Variants in ABCA13 observed in about 807,000 individuals in gnomAD.
ABCA13 encodes ATP-binding cassette sub-family A member 13.
ABCA13 carries 476 observed loss-of-function variants against 478.7 expected under a neutral mutation model. The ratio of observed to expected loss-of-function variants is 0.99; its 90% CI spans 0.92 to 1.07. ABCA13 has a LOEUF of 1.07. ABCA13 is among the 50% of genes least tolerant of loss of function. The probability of loss-of-function intolerance (pLI) is 0.00; values close to 1 mark genes in which losing one functional copy is unlikely to be tolerated. For synonymous variants in ABCA13, 2,252 were observed against 2,158.9 expected (o/e 1.04, Z -1.20); for missense variants, 6,060 against 5,910.6 (o/e 1.03, Z -0.83).
intron 55 of ABCA13, among the ~76,000 whole-genome samples, chr7:48,546,603 A>G (rs1457689923): frequency 6.6e-6 from 1 of 151,666 alleles, no homozygotes; most frequent in Non-Finnish European, 1.5e-5. Flanking sequence ...TCAAACTAGC[A>G]TTTTTTGAGT....
chr7:48,465,153 T>C (rs1826729670), intron 43 of ABCA13, among the ~76,000 whole-genome samples: 1 of 152,186 alleles, frequency 6.6e-6, no homozygotes, highest in South Asian at 2.1e-4. Context: ...GGGATTCAAA[T>C]ACTATTTCAA....
chr7:48,588,407 TCTC>T (rs1189318089), intron 57 of ABCA13, among the ~76,000 whole-genome samples: 4 of 152,164 alleles, frequency 2.6e-5, no homozygotes, highest in African/African-American at 9.7e-5. Context: ...TTACAATGCA[TCTC>T]CTTAGTTGAA....
At chr7:48,520,866 T>G (rs181232623) in intron 53 of ABCA13, among the ~76,000 whole-genome samples, 42 of 152,344 alleles carry the variant, frequency 2.8e-4, no homozygotes, top group African/African-American at 1.0e-3. Context: ...GTTAATACCA[T>G]AACATTATTT....
intron 1 of ABCA13, among the ~76,000 whole-genome samples, chr7:48,179,294 G>C (rs1265978643): frequency 6.6e-6 from 1 of 152,214 alleles, no homozygotes; most frequent in Non-Finnish European, 1.5e-5. Flanking sequence ...ACTGGTCCTC[G>C]TGAAAAGCAC....
intron 30 of ABCA13, 40 bp from the exon 31 acceptor site, chr7:48,352,141 A>C: frequency 6.4e-7 from 1 of 1,565,990 alleles, no homozygotes; most frequent in East Asian, 2.2e-5. Context: ...GCCACTCCCT[A>C]CAGTGTGGTA....
intron 52 of ABCA13, among the ~76,000 whole-genome samples, chr7:48,518,855 T>A (rs2130961374): frequency 6.6e-6 from 1 of 152,148 alleles, no homozygotes; most frequent in South Asian, 2.1e-4. Flanking sequence ...GATATGCAGG[T>A]TTGTTCCATA....
chr7:48,550,470 C>G (rs1237448859), intron 55 of ABCA13, among the ~76,000 whole-genome samples: 1 of 150,182 alleles, frequency 6.7e-6, no homozygotes, highest in Non-Finnish European at 1.5e-5. Flanking sequence ...GTTGGCCAGG[C>G]TGGTTTTGAA....
intron 29 of ABCA13, among the ~76,000 whole-genome samples, chr7:48,347,748 G>A (rs1808333145): frequency 6.6e-6 from 1 of 152,166 alleles, no homozygotes; most frequent in Admixed American, 6.5e-5. Context: ...TGTTATTGGA[G>A]TCTTAAAGCA....
chr7:48,621,441 T>A (rs925213285), intron 59 of ABCA13, among the ~76,000 whole-genome samples: 26 of 152,168 alleles, frequency 1.7e-4, no homozygotes, highest in African/African-American at 5.8e-4. Flanking sequence ...ATGAGGGCAA[T>A]GACAACCAGT....
chr7:48,411,330 A>G (rs1305299939), intron 40 of ABCA13, among the ~76,000 whole-genome samples: 1 of 52,144 alleles, frequency 1.9e-5, no homozygotes, highest in African/African-American at 7.1e-5. Flanking sequence ...TTTTCTTTCA[A>G]TGGAGTCTTG....
chr7:48,200,764 A>T (rs1404568625), intron 3 of ABCA13, among the ~76,000 whole-genome samples: 1 of 152,194 alleles, frequency 6.6e-6, no homozygotes. Context: ...AGCAGATTTC[A>T]TGCGTTTTCA....
intron 19 of ABCA13, among the ~76,000 whole-genome samples, chr7:48,287,514 A>G (rs1328872707): frequency 6.6e-6 from 1 of 152,128 alleles, no homozygotes; most frequent in Non-Finnish European, 1.5e-5. Context: ...GGCTTCCAGG[A>G]AGTGACTTGT....
intron 3 of ABCA13, among the ~76,000 whole-genome samples, chr7:48,200,618 G>A (rs929916622): frequency 6.6e-6 from 1 of 152,074 alleles, no homozygotes; most frequent in African/African-American, 2.4e-5. Context: ...CCAAGTCAGA[G>A]GTATAAGAAA....
chr7:48,468,309 T>C (rs1307278687), intron 44 of ABCA13, among the ~76,000 whole-genome samples: 1 of 152,226 alleles, frequency 6.6e-6, no homozygotes, highest in Non-Finnish European at 1.5e-5. Flanking sequence ...TTCCATGAGC[T>C]CCTGCCCTCC....
intron 26 of ABCA13, among the ~76,000 whole-genome samples, chr7:48,314,878 T>G (rs1178604114): frequency 6.6e-6 from 1 of 152,188 alleles, no homozygotes; most frequent in Non-Finnish European, 1.5e-5. Context: ...CAAATGAATA[T>G]GCCACGATAG....
At chr7:48,256,144 G>A (rs1298929909) in intron 15 of ABCA13, among the ~76,000 whole-genome samples, 1 of 151,800 alleles carries the variant, frequency 6.6e-6, no homozygotes, top group African/African-American at 2.4e-5. Flanking sequence ...TTTTTAATGG[G>A]GTTGTTTTTT....
At chr7:48,384,770 A>G (rs144494792) in intron 35 of ABCA13, among the ~76,000 whole-genome samples, 173 of 152,266 alleles carry the variant, frequency 1.1e-3, no homozygotes, top group African/African-American at 4.0e-3. Flanking sequence ...TTGTCTCACA[A>G]TCCTGGAGGC....
intron 10 of ABCA13, among the ~76,000 whole-genome samples, 158 bp downstream of exon 10, chr7:48,241,224 A>G (rs771808554): frequency 6.6e-6 from 1 of 152,226 alleles, no homozygotes; most frequent in Non-Finnish European, 1.5e-5. Context: ...ATTGTGGACC[A>G]TCACCAGGGT....
At chr7:48,447,407 T>C (rs1273609053) in intron 42 of ABCA13, among the ~76,000 whole-genome samples, 1 of 152,174 alleles carries the variant, frequency 6.6e-6, no homozygotes, top group Non-Finnish European at 1.5e-5. Context: ...TAGAGATACT[T>C]GGGAATACTG....
Sources: gnomAD v4.1 joint callset for allele counts (sites outside exome capture counted in the v4.1 genomes callset) on GRCh38, gnomAD v4.1.1 for gene constraint, MANE v1.5 for transcripts, NCBI Gene and HGNC (gene_info 2026-07-23, HGNC 2026-07-21) for gene names.